Variants in RAC1 observed in about 807,000 individuals in gnomAD.
RAC1 encodes the protein Rac family small GTPase 1.
In RAC1, 2 loss-of-function variants were observed where a neutral mutation model predicts 25.2. The observed-to-expected ratio is 0.08, with a 90% CI of 0.03 to 0.25. The LOEUF is 0.25. RAC1 is among the 10% of genes least tolerant of loss of function. RAC1 has a pLI of 1.00. For synonymous variants in RAC1, 88 were observed against 94.0 expected, an observed-to-expected ratio of 0.94 and a Z score of 0.37; for missense variants, 50 against 235.7, an observed-to-expected ratio of 0.21 and a Z score of 5.16.
intron 1 of RAC1, among the ~76,000 whole-genome samples, chr7:6,382,227 T>C (rs1782786597): frequency 6.6e-6 from 1 of 152,160 alleles, no homozygotes; most frequent in African/African-American, 2.4e-5. Context: ...ACTCCTGGCC[T>C]GAAGTGATCC....
intron 1 of RAC1, among the ~76,000 whole-genome samples, chr7:6,377,941 C>G (rs967995302): frequency 6.6e-6 from 1 of 152,100 alleles, no homozygotes; most frequent in Non-Finnish European, 1.5e-5. Context: ...ACATCTTCAT[C>G]TGTTCCTGCT....
intron 1 of RAC1, among the ~76,000 whole-genome samples, chr7:6,379,236 G>T (rs368421338): frequency 1.3e-5 from 2 of 150,586 alleles, no homozygotes; most frequent in East Asian, 3.9e-4. Flanking sequence ...CAAGTAGCTG[G>T]AACTACACGT....
chr7:6,401,154 C>T (rs1047673661), intron 4 of RAC1, among the ~76,000 whole-genome samples: 4 of 152,162 alleles, frequency 2.6e-5, no homozygotes, highest in African/African-American at 7.2e-5. Context: ...CGGGGTTTCA[C>T]CATGTTTGCC....
chr7:6,381,674 C>T (rs531183803), intron 1 of RAC1, among the ~76,000 whole-genome samples: 1 of 152,168 alleles, frequency 6.6e-6, no homozygotes, highest in Non-Finnish European at 1.5e-5. Flanking sequence ...GGATTACAGG[C>T]ATGAGCCACC....
intron 2 of RAC1, among the ~76,000 whole-genome samples, chr7:6,391,055 C>A (rs1783078633): frequency 1.3e-5 from 2 of 152,024 alleles, no homozygotes; most frequent in Non-Finnish European, 2.9e-5. Context: ...TGTCACCACG[C>A]CCTGGCTAAT....
At chr7:6,377,245 A>AT (rs977659440) in intron 1 of RAC1, among the ~76,000 whole-genome samples, 1 of 150,792 alleles carries the variant, frequency 6.6e-6, no homozygotes, top group Non-Finnish European at 1.5e-5. Context: ...AAGCACAGTT[A>AT]TTTTTTAATA....
chr7:6,396,287 A>G (rs1783232252), intron 3 of RAC1, among the ~76,000 whole-genome samples: 1 of 152,160 alleles, frequency 6.6e-6, no homozygotes, highest in African/African-American at 2.4e-5. Flanking sequence ...GGGAAGAAAT[A>G]GAGCCTCCCA....
intron 4 of RAC1, 120 bp from the exon 5 acceptor site, chr7:6,401,748 C>T (rs1015697527): frequency 7.8e-6 from 8 of 1,029,218 alleles, no homozygotes; most frequent in Middle Eastern, 2.2e-4. Flanking sequence ...CTGAAGCCTC[C>T]GTGGGGAGGC....
At chr7:6,385,249 C>T (rs973141656) in intron 1 of RAC1, among the ~76,000 whole-genome samples, 29 of 152,196 alleles carry the variant, frequency 1.9e-4, no homozygotes, top group African/African-American at 7.0e-4. Context: ...GCACTTACTT[C>T]ATGAGGTCTT....
chr7:6,380,964 G>A (rs192446622), intron 1 of RAC1, among the ~76,000 whole-genome samples: 485 of 152,252 alleles, frequency 3.2e-3, no homozygotes, highest in Admixed American at 8.6e-3. Context: ...CGCATCCCAG[G>A]TTCAGGCGAT....
chr7:6,395,509 T>C (rs1482874617), intron 3 of RAC1, among the ~76,000 whole-genome samples: 5 of 152,220 alleles, frequency 3.3e-5, no homozygotes, highest in Admixed American at 3.3e-4. Flanking sequence ...TCACTCTTAC[T>C]GGCCGGGAGC....
In RAC1 at chr7:6,374,783, C is replaced by G. The variant is rs780646520; in HGVS notation, c.35+13C>G. On this transcript the variant is annotated intron_variant, in intron 1 of 5. Transcript: ENST00000348035. ...TGGTGGGAGACGGGTGAGTGCGCGG[C>G]CGGGGCCGGGCTGGAGGCCGCGGGA... 5.3e-6 allele frequency: 6 copies of G among 1,131,166 alleles called. No homozygotes were observed. The highest frequency in any genetic ancestry group is 5.4e-6 in the Non-Finnish European group (5 of 918,994). 70.1% of individuals were successfully genotyped at this position (1,131,166 alleles called of 1,614,324 possible).
rs981324834 is a variant in RAC1, at chr7:6,374,908, G to T, written c.35+138G>T. Reference sequence around the variant, plus strand: ...TGGGCCTGGGCCTGTGTCGCGGGGCGGGGGCCGCGGGCGGGCGCCCCCACC... The same window carrying T: ...TGGGCCTGGGCCTGTGTCGCGGGGCTGGGGCCGCGGGCGGGCGCCCCCACC... On this transcript the variant is annotated intron_variant, in intron 1 of 5. Coordinates refer to ENST00000348035, the MANE Select transcript of RAC1 (RefSeq NM_006908.5). The T allele has an allele frequency of 1.2e-5, 8 of 687,872 alleles. No homozygotes were observed. The African/African-American group carries it at 1.2e-4, about 10-fold the overall frequency. The allele number at this position is 687,872 out of a possible 1,614,324, so 42.6% of individuals were successfully genotyped here.
At chr7:6,400,935 A>G (rs543237208) in intron 4 of RAC1, among the ~76,000 whole-genome samples, 9 of 152,168 alleles carry the variant, frequency 5.9e-5, no homozygotes, top group African/African-American at 2.2e-4. Flanking sequence ...TCGGCCTCCC[A>G]AAGTGCTGGG....
intron 3 of RAC1, among the ~76,000 whole-genome samples, chr7:6,393,233 G>C (rs778496462): frequency 2.6e-5 from 4 of 152,194 alleles, no homozygotes; most frequent in Admixed American, 1.3e-4. Flanking sequence ...GGTTAAGTCT[G>C]CTGTATTAAA....
chr7:6,400,520 T>G (rs1783367178), intron 4 of RAC1, among the ~76,000 whole-genome samples: 1 of 152,262 alleles, frequency 6.6e-6, no homozygotes, highest in Admixed American at 6.5e-5. Flanking sequence ...TTTGTATGGC[T>G]GGTTTTGTAG....
At chr7:6,395,812 G>A (rs1427844029) in intron 3 of RAC1, among the ~76,000 whole-genome samples, 1 of 152,230 alleles carries the variant, frequency 6.6e-6, no homozygotes, top group Non-Finnish European at 1.5e-5. Flanking sequence ...ATGTCTGTGT[G>A]TTTTAAAATT....
At chr7:6,392,500 C>T (rs1783115925) in intron 3 of RAC1, among the ~76,000 whole-genome samples, 2 of 152,056 alleles carry the variant, frequency 1.3e-5, no homozygotes, top group Non-Finnish European at 2.9e-5. Context: ...GTGAACCATA[C>T]AATAGAACCT....
chr7:6,374,538 C>A lies in RAC1; in HGVS notation c.-198C>A. ...GGAGCGGCCATTTCCTGTTTCTCTGCAGTTTTCCTCAGCTTTGGGTGGTGG... is the reference window on the plus strand; with the variant it reads ...GGAGCGGCCATTTCCTGTTTCTCTGAAGTTTTCCTCAGCTTTGGGTGGTGG... On this transcript the variant is annotated 5_prime_UTR_variant, in exon 1 of 6. Coordinates refer to ENST00000348035, the MANE Select transcript of RAC1 (RefSeq NM_006908.5). 1 of 185,554 alleles carries A rather than the reference C, an allele frequency of 5.4e-6. No homozygotes were observed. Among genetic ancestry groups the A allele is most frequent in the Non-Finnish European group, 1.1e-5 (1 of 92,824 alleles). 11.5% of individuals were successfully genotyped at this position (185,554 alleles called of 1,614,324 possible). A position where few individuals can be genotyped will look rare whatever the true frequency, so the allele number is the denominator to read the frequency against.
Sources: gnomAD v4.1 joint callset for allele counts (sites outside exome capture counted in the v4.1 genomes callset) on GRCh38, gnomAD v4.1.1 for gene constraint, MANE v1.5 for transcripts, NCBI Gene and HGNC (gene_info 2026-07-23, HGNC 2026-07-21) for gene names.